The following PCP4 variants were observed in gnomAD, a reference collection of about 807,000 sequenced individuals.
PCP4 encodes Purkinje cell protein 4.
In PCP4, 8 loss-of-function variants were observed where a neutral mutation model predicts 10.0. The observed-to-expected ratio is 0.80, with a 90% CI of 0.47 to 1.45. PCP4 has a LOEUF of 1.45. Ranked by LOEUF, PCP4 falls within the 40% of genes most tolerant of loss-of-function variation. The probability of loss-of-function intolerance (pLI) is 0.00; values close to 1 mark genes in which losing one functional copy is unlikely to be tolerated. For missense variants in PCP4, 54 were observed against 74.4 expected (o/e 0.73, Z 1.01); for synonymous variants, 21 against 23.0 (o/e 0.91, Z 0.24).
intron 1 of PCP4, among the ~76,000 whole-genome samples, chr21:39,887,439 A>C (rs983752468): frequency 1.6e-4 from 24 of 151,942 alleles, no homozygotes; most frequent in Non-Finnish European, 3.4e-4. Flanking sequence ...ATTAATGCTC[A>C]ATTTTTGGAA....
chr21:39,868,762 A>G (rs1401837171), intron 1 of PCP4, among the ~76,000 whole-genome samples: 1 of 152,214 alleles, frequency 6.6e-6, no homozygotes, highest in Admixed American at 6.5e-5. Context: ...AAGTGGTTTG[A>G]GGTCACCAGC....
chr21:39,906,938 A>G lies in PCP4; in HGVS notation c.61+8411A>G, dbSNP rs965684082. On this transcript the variant is annotated intron_variant, in intron 2 of 2. Coordinates refer to ENST00000328619, the MANE Select transcript of PCP4 (RefSeq NM_006198.3). The surrounding 1 kb of genome is among the most constrained non-coding windows in gnomAD (Gnocchi z 6.3). Reference sequence around the variant, plus strand: ...GAAATAGTATTTCTCACGCGCTTGAAAACACTTTTGCTCTTTTAAGTAGGT... The same window carrying G: ...GAAATAGTATTTCTCACGCGCTTGAGAACACTTTTGCTCTTTTAAGTAGGT... 2.0e-5 allele frequency among the ~76,000 whole-genome samples: 3 copies of G among 152,142 alleles called. No individual in the cohort carries two copies. Among genetic ancestry groups the G allele is most frequent in the Non-Finnish European group, 4.4e-5 (3 of 68,030 alleles).
At chr21:39,902,772 G>C (rs956377160) in intron 2 of PCP4, among the ~76,000 whole-genome samples, 1 of 152,026 alleles carries the variant, frequency 6.6e-6, no homozygotes, top group African/African-American at 2.4e-5. Flanking sequence ...GGGCTTGGAG[G>C]TTCAGAGATT....
At chr21:39,872,859 C>T (rs1339363219) in intron 1 of PCP4, among the ~76,000 whole-genome samples, 1 of 152,118 alleles carries the variant, frequency 6.6e-6, no homozygotes, top group Non-Finnish European at 1.5e-5. Context: ...GTTCTTTACT[C>T]CTGGTTTGAA....
chr21:39,882,792 T>A (rs1460865558), intron 1 of PCP4, among the ~76,000 whole-genome samples: 3 of 152,232 alleles, frequency 2.0e-5, no homozygotes, highest in African/African-American at 7.2e-5. Flanking sequence ...GTCATTACAC[T>A]GATCTTTCAT....
At chr21:39,915,948 T>C (rs1008513167) in intron 2 of PCP4, 1 of 152,206 alleles carries the variant, frequency 6.6e-6, no homozygotes, top group African/African-American at 2.4e-5. Flanking sequence ...TCCTGGAGTT[T>C]ATTGGGTGCT....
chr21:39,927,315 T>TATCTATC (rs1421044854), intron 2 of PCP4, among the ~76,000 whole-genome samples: 1 of 113,686 alleles, frequency 8.8e-6, no homozygotes, highest in East Asian at 2.3e-4. Context: ...TCTATCTATC[T>TATCTATC]ATCTATCATC....
intron 2 of PCP4, among the ~76,000 whole-genome samples, chr21:39,909,276 C>T (rs1227954665): frequency 2.6e-5 from 4 of 152,136 alleles, no homozygotes; most frequent in African/African-American, 7.2e-5. Flanking sequence ...GCTTTTTCCT[C>T]GGGCAGATCC....
chr21:39,914,573 C>CAAAAA lies in PCP4; in HGVS notation c.62-14401_62-14397dup, dbSNP rs55775259. ...TCCAGCCTGGGTGACAGAGCTGTCT[C>CAAAAA]AAAAAAAAAAAAAAGAAAAAAAAAA... On this transcript the variant is annotated intron_variant, in intron 2 of 2. Transcript: ENST00000328619. Among the ~76,000 whole-genome samples, 1,003 of 118,606 alleles carry CAAAAA rather than the reference C, an allele frequency of 8.5e-3. 25 individuals are homozygous for CAAAAA. Among genetic ancestry groups the CAAAAA allele is most frequent in the East Asian group, 0.025 (106 of 4,186 alleles). The allele number at this position is 118,606 out of a possible 152,430, so 77.8% of individuals were successfully genotyped here. A position where few individuals can be genotyped will look rare whatever the true frequency, so the allele number is the denominator to read the frequency against.
At chr21:39,895,823 G>T (rs1038602401) in intron 1 of PCP4, among the ~76,000 whole-genome samples, 1 of 152,152 alleles carries the variant, frequency 6.6e-6, no homozygotes, top group African/African-American at 2.4e-5. Context: ...GCAACTGCCT[G>T]GTATTGTAAA....
intron 1 of PCP4, among the ~76,000 whole-genome samples, chr21:39,894,238 T>G (rs567281665): frequency 1.2e-4 from 18 of 152,180 alleles, no homozygotes; most frequent in Non-Finnish European, 2.5e-4. Context: ...GATGTGACTT[T>G]TTCCTCTACT....
intron 1 of PCP4, among the ~76,000 whole-genome samples, chr21:39,880,705 C>T (rs2065317): frequency 0.42 from 63,494 of 152,038 alleles, 13,847 homozygotes; most frequent in South Asian, 0.54. Flanking sequence ...AGAATGCAGA[C>T]GTACTAGGCT....
In PCP4 at chr21:39,902,731, A is replaced by AT. The variant is rs1202519749; in HGVS notation, c.61+4212dup. On this transcript the variant is annotated intron_variant, in intron 2 of 2. Coordinates refer to ENST00000328619, the MANE Select transcript of PCP4 (RefSeq NM_006198.3). ...GTTTTTCAGAAATATTAGGGTTATA[A>AT]TTTTTTTTAATGTAGAAAATAAACG... is the stretch of plus-strand genomic sequence containing the variant. 1.3e-4 allele frequency among the ~76,000 whole-genome samples: 20 copies of AT among 152,030 alleles called. No individual in the cohort carries two copies. In the East Asian group the frequency reaches 3.5e-3, roughly 26 times the overall value.
At chr21:39,901,830 G>A (rs775539422) in intron 2 of PCP4, among the ~76,000 whole-genome samples, 21 of 152,168 alleles carry the variant, frequency 1.4e-4, no homozygotes, top group South Asian at 4.2e-4. Context: ...ATATTTGTAC[G>A]TGATACTTTA....
At chr21:39,898,262 G>T in intron 1 of PCP4, 1 of 604,170 alleles carries the variant, frequency 1.7e-6, no homozygotes, top group Admixed American at 2.6e-5. Context: ...CTAGAGCAGT[G>T]GATGTGGATG....
chr21:39,888,760 C>T (rs549191116), intron 1 of PCP4, among the ~76,000 whole-genome samples: 8 of 152,188 alleles, frequency 5.3e-5, no homozygotes, highest in East Asian at 1.9e-4. Context: ...TTGGGACCCT[C>T]GGGCCCAGCC....
intron 1 of PCP4, among the ~76,000 whole-genome samples, chr21:39,869,078 G>A (rs938978037): frequency 9.2e-5 from 14 of 152,166 alleles, no homozygotes; most frequent in Admixed American, 2.6e-4. Context: ...GGATGGCTGC[G>A]TGGAGTGGTT....
At chr21:39,881,465 G>A (rs1373220101) in intron 1 of PCP4, among the ~76,000 whole-genome samples, 1 of 152,134 alleles carries the variant, frequency 6.6e-6, no homozygotes, top group African/African-American at 2.4e-5. Context: ...AACACATTGA[G>A]ACACCTGGAC....
intron 2 of PCP4, among the ~76,000 whole-genome samples, chr21:39,910,034 G>T (rs528726163): frequency 1.1e-4 from 16 of 152,012 alleles, no homozygotes; most frequent in Admixed American, 6.6e-4. Context: ...GATCTCAGGC[G>T]ATCTGCCCGC....
Sources: gnomAD v4.1 joint callset for allele counts (sites outside exome capture counted in the v4.1 genomes callset) on GRCh38, gnomAD v4.1.1 for gene constraint, Gnocchi (gnomAD v3.1) non-coding constraint, MANE v1.5 for transcripts, NCBI Gene and HGNC (gene_info 2026-07-23, HGNC 2026-07-21) for gene names.